The following MTMR4 variants were observed in gnomAD, a reference collection of about 807,000 sequenced individuals.
MTMR4 encodes phosphatidylinositol-3,5-bisphosphate 3-phosphatase MTMR4.
Under a neutral mutation model 125.5 loss-of-function variants are expected in MTMR4, and 30 were observed. The ratio of observed to expected loss-of-function variants is 0.24; its 90% CI spans 0.18 to 0.32. MTMR4 has a LOEUF of 0.32. Ranked by LOEUF, MTMR4 falls within the 10% of genes least tolerant of loss-of-function variation. The probability of loss-of-function intolerance (pLI) is 1.00; values close to 1 mark genes in which losing one functional copy is unlikely to be tolerated. For synonymous variants in MTMR4, 498 were observed against 564.5 expected (o/e 0.88, Z 1.67); for missense variants, 1,039 against 1,511.5 (o/e 0.69, Z 5.18).
upstream of MTMR4, among the ~76,000 whole-genome samples, chr17:58,516,273 A>C (rs889730099): frequency 1.3e-5 from 2 of 152,244 alleles, no homozygotes; most frequent in Admixed American, 6.5e-5. Flanking sequence ...CGGGGACCCA[A>C]GAAAAGCAAG....
chr17:58,514,678 C>T, upstream of MTMR4: 4 of 985,140 alleles, frequency 4.1e-6, no homozygotes, highest in Non-Finnish European at 4.8e-6. Flanking sequence ...GGCGGGAAGG[C>T]GGAGGTAGAG....
intron 4 of MTMR4, chr17:58,510,593 C>G (rs1245452328): frequency 6.6e-6 from 1 of 152,222 alleles, no homozygotes; most frequent in Non-Finnish European, 1.5e-5. Flanking sequence ...CTATCTCAGC[C>G]TCTTGAGTAG....
At chr17:58,506,186 C>T (rs11650710) in intron 9 of MTMR4, among the ~76,000 whole-genome samples, 33,652 of 152,064 alleles carry the variant, frequency 0.22, 4,025 homozygotes, top group South Asian at 0.34. Context: ...ATATATACAA[C>T]TTCTTTTTCT....
chr17:58,516,178 A>G (rs1229456046), upstream of MTMR4, among the ~76,000 whole-genome samples: 1 of 152,200 alleles, frequency 6.6e-6, no homozygotes, highest in Non-Finnish European at 1.5e-5. Flanking sequence ...TATAGCATCC[A>G]CAATATTCAA....
Position 58,512,206 on chromosome 17 carries a change from G to A in MTMR4, c.252+184C>T, listed in dbSNP as rs1018933133. Among the ~76,000 whole-genome samples the A allele has an allele frequency of 2.6e-5, 4 of 152,046 alleles. No individual in the cohort carries two copies. The highest frequency in any genetic ancestry group is 3.9e-4 in the East Asian group (2 of 5,186). On this transcript the variant is annotated intron_variant, in intron 3 of 17. Transcript: ENST00000682306. This position sits in a 1 kb window ranked among gnomAD's most constrained non-coding sequence, Gnocchi z 4.1. ...TCACCATGTTGGCCAGGCTGGTCTC[G>A]AACTCCTGACCTCAAGTGATCCACC...
chr17:58,514,905 C>A (rs568148220), upstream of MTMR4: 3,864 of 715,908 alleles, frequency 5.4e-3, 22 homozygotes, highest in African/African-American at 9.0e-3. Context: ...CCCTAAGTTC[C>A]CCCGACGCCT....
chr17:58,492,368 A>C lies in MTMR4; in HGVS notation c.3452+143T>G, dbSNP rs970662626. On this transcript the variant is annotated intron_variant, in intron 17 of 17. Transcript: ENST00000682306. ...TGTATTTTTAGTGGAGACAGGTTTT[A>C]CCATGTTGGCCAGGATGGTCTCAAT... 8.7e-6 allele frequency: 6 copies of C among 690,302 alleles called. No homozygotes were observed. The African/African-American group carries it at 1.1e-4, about 12-fold the overall frequency. 42.8% of individuals were successfully genotyped at this position (690,302 alleles called of 1,614,324 possible).
chr17:58,504,086 G>A lies in MTMR4; in HGVS notation c.1662C>T (p.Asn554=). The A allele has an allele frequency of 6.3e-7, 1 of 1,581,268 alleles. No individual in the cohort carries two copies. The highest frequency in any genetic ancestry group is 8.6e-7 in the Non-Finnish European group (1 of 1,165,522). Residue 554 remains asparagine, a synonymous_variant, in exon 13 of 18, where the codon AAC becomes AAT. Coordinates refer to ENST00000682306, the MANE Select transcript of MTMR4 (RefSeq NM_001378067.1). This position sits in a 1 kb window ranked among gnomAD's most constrained non-coding sequence, Gnocchi z 7.1. ...VWALLRAGNK[N]FHNFLYTPSS... ...TGGGTGTGTAGAGGAAGTTATGAAA[G>A]TTTTTATTGCCAGCTCGAAGGAGCG...
At chr17:58,514,671 G>A, upstream of MTMR4, 15 of 985,288 alleles carry the variant, frequency 1.5e-5, no homozygotes, top group Non-Finnish European at 1.8e-5. Flanking sequence ...GGACCGCGGC[G>A]GGAAGGCGGA....
At chr17:58,502,486 A>G (rs1397264631) in intron 14 of MTMR4, among the ~76,000 whole-genome samples, 1 of 150,364 alleles carries the variant, frequency 6.7e-6, no homozygotes, top group Non-Finnish European at 1.5e-5. Flanking sequence ...AAAAAGCTAC[A>G]CATATAAGGA....
chr17:58,508,299 A>G lies in MTMR4; in HGVS notation c.594-25T>C. 1 of 1,599,314 alleles carries G rather than the reference A, an allele frequency of 6.3e-7. No homozygotes were observed. The highest frequency in any genetic ancestry group is 8.6e-7 in the Non-Finnish European group (1 of 1,166,502). ...TCTGAGAAGAGACCAGGTGGGGGTC[A>G]CTGCACTGGGTCTAAAACATGTGAT... On this transcript the variant is annotated intron_variant, in intron 6 of 17. Transcript: ENST00000682306. This position sits in a 1 kb window ranked among gnomAD's most constrained non-coding sequence, Gnocchi z 4.8.
upstream of MTMR4, chr17:58,515,106 T>A: frequency 2.1e-6 from 2 of 961,356 alleles, no homozygotes; most frequent in Non-Finnish European, 2.5e-6. Flanking sequence ...ATGAGCTTTT[T>A]ATTCCAACGC....
chr17:58,501,226 C>T (rs1358358030), intron 14 of MTMR4, among the ~76,000 whole-genome samples: 1 of 152,144 alleles, frequency 6.6e-6, no homozygotes, highest in Non-Finnish European at 1.5e-5. Flanking sequence ...AAACTTTCAG[C>T]CAGGCTGGGC....
At chr17:58,497,103 T>C (rs1975490305) in intron 14 of MTMR4, among the ~76,000 whole-genome samples, 1 of 152,148 alleles carries the variant, frequency 6.6e-6, no homozygotes, top group African/African-American at 2.4e-5. Context: ...CCATCCTGAT[T>C]ATTAATGCAG....
Position 58,506,858 on chromosome 17 carries a change from A to G in MTMR4, c.918T>C (p.Thr306=), listed in dbSNP as rs1330629182. The change falls in exon 9 of 18, where the codon ACT becomes ACC. Residue 306 remains threonine, a synonymous_variant. Transcript: ENST00000682306. ...ACDADFDSSL[T]ACSGVESTAA... ...CTGTGCTCTCCACTCCAGAGCACGC[A>G]GTCAGAGAAGAATCTAAACACACAG... 3 of 1,612,494 alleles carry G rather than the reference A, an allele frequency of 1.9e-6. No homozygotes were observed. Among genetic ancestry groups the G allele is most frequent in the Admixed American group, 1.7e-5 (1 of 59,912 alleles).
chr17:58,503,636 T>C (rs1860262), intron 14 of MTMR4, 108 bp downstream of exon 14: 1,123,231 of 1,375,514 alleles, frequency 0.82, 460,657 homozygotes, highest in East Asian at 1. Context: ...GGCGACAAAG[T>C]GAGATTCCGT....
chr17:58,508,889 G>A lies in MTMR4; in HGVS notation c.336-48C>T, dbSNP rs1460036369. 1.3e-6 allele frequency: 2 copies of A among 1,588,388 alleles called. No homozygotes were observed. Among genetic ancestry groups the A allele is most frequent in the Non-Finnish European group, 1.7e-6 (2 of 1,161,390 alleles). ...CCTAGGTGAGGCAAAGTGCAGTTGT[G>A]CCATGGGGCTATCAGGGCCAAAAAC... On this transcript the variant is annotated intron_variant, in intron 4 of 17. Coordinates refer to ENST00000682306, the MANE Select transcript of MTMR4 (RefSeq NM_001378067.1). This position sits in a 1 kb window ranked among gnomAD's most constrained non-coding sequence, Gnocchi z 4.8.
Position 58,495,156 on chromosome 17 carries a change from C to A in MTMR4, c.3028G>T (p.Val1010Phe), listed in dbSNP as rs775936038. The change falls in exon 15 of 18, where the codon GTT becomes TTT. Residue 1010 changes from valine (V) to phenylalanine (F), a missense_variant. Transcript: ENST00000682306. Reference protein sequence around the residue: ...HPKQVSSTKPVPLNCPSPVPP... With the variant: ...HPKQVSSTKPFPLNCPSPVPP... ...ACTGGAGAAGGGCAGTTCAGTGGAACGGGCTTTGTGCTAGAGACTTGCTTT... is the reference window on the plus strand; with the variant it reads ...ACTGGAGAAGGGCAGTTCAGTGGAAAGGGCTTTGTGCTAGAGACTTGCTTT... 3 of 1,614,234 alleles carry A rather than the reference C, an allele frequency of 1.9e-6. No homozygotes were observed. Among genetic ancestry groups the A allele is most frequent in the Admixed American group, 3.3e-5 (2 of 60,028 alleles).
At position 58,504,129 on chromosome 17, in the gene MTMR4, C is replaced by T. The variant is rs758600036; in HGVS notation, c.1619G>A (p.Arg540Gln). Residue 540 changes from arginine to glutamine, a missense_variant, in exon 13 of 18, where the codon CGG becomes CAG. This residue lies in a region of MTMR4 where 619 missense variants were observed against 714.5 expected (regional missense o/e 0.87). Coordinates refer to ENST00000682306, the MANE Select transcript of MTMR4 (RefSeq NM_001378067.1). The surrounding 1 kb of genome is among the most constrained non-coding windows in gnomAD (Gnocchi z 7.1). ...CEREKRNIYK[R>Q]TCSVWALLRA... ...AAGGAGCGCCCACACAGAGCAGGTCCGCTTGTAGATGTTGCGCTTCTCTCG... is the reference window on the plus strand; with the variant it reads ...AAGGAGCGCCCACACAGAGCAGGTCTGCTTGTAGATGTTGCGCTTCTCTCG... The T allele has an allele frequency of 2.2e-5, 36 of 1,611,944 alleles. No homozygotes were observed. The Admixed American group carries it at 3.5e-4, about 16-fold the overall frequency.
Sources: gnomAD v4.1 joint callset for allele counts (sites outside exome capture counted in the v4.1 genomes callset) on GRCh38, gnomAD v4.1.1 for gene constraint, gnomAD v4.1.1 regional missense constraint, Gnocchi (gnomAD v3.1) non-coding constraint, MANE v1.5 for transcripts, NCBI Gene and HGNC (gene_info 2026-07-23, HGNC 2026-07-21) for gene names.